The following AKAP13 variants were observed in gnomAD, a reference collection of about 807,000 sequenced individuals.
AKAP13 encodes A-kinase anchor protein 13.
A neutral mutation model predicts 264.5 loss-of-function variants in AKAP13; 80 were observed. The observed-to-expected ratio is 0.30, with a 90% confidence interval of 0.25 to 0.36. The LOEUF (loss-of-function observed/expected upper bound fraction) is 0.36. AKAP13 is among the 10% of genes least tolerant of loss of function. The pLI, the probability that AKAP13 is intolerant of heterozygous loss-of-function variation, is 1.00. For missense variants in AKAP13, 3,712 were observed against 3,435.2 expected (o/e 1.08, Z -2.01); for synonymous variants, 1,380 against 1,250.2 (o/e 1.10, Z -2.19).
intron 2 of AKAP13, among the ~76,000 whole-genome samples, chr15:85,508,994 C>G (rs1197836472): frequency 2.6e-5 from 4 of 152,124 alleles, no homozygotes; most frequent in Non-Finnish European, 5.9e-5. Flanking sequence ...TTTATGCTGT[C>G]TTACTCTTTC....
intron 12 of AKAP13, chr15:85,662,343 C>CT (rs2083393493): frequency 6.2e-7 from 1 of 1,604,232 alleles, no homozygotes; most frequent in Non-Finnish European, 8.5e-7. Context: ...CCTGTTTCCT[C>CT]TTTTCTCCCT....
chr15:85,694,028 G>C (rs1356886157), intron 17 of AKAP13, among the ~76,000 whole-genome samples: 2 of 152,202 alleles, frequency 1.3e-5, no homozygotes, highest in Non-Finnish European at 2.9e-5. Flanking sequence ...TCTGCACTCT[G>C]TTCTATGATC....
chr15:85,490,970 C>G (rs1182311727), intron 2 of AKAP13, among the ~76,000 whole-genome samples: 1 of 152,130 alleles, frequency 6.6e-6, no homozygotes, highest in Non-Finnish European at 1.5e-5. Flanking sequence ...CTGAAGGAGC[C>G]AGCATGTGAA....
intron 6 of AKAP13, 118 bp downstream of exon 6, chr15:85,575,447 C>T (rs2078971934): frequency 9.5e-7 from 1 of 1,047,772 alleles, no homozygotes. Flanking sequence ...AAATGCTTTC[C>T]TGGTGGGAGG....
At chr15:85,489,071 A>G (rs1341472736) in intron 2 of AKAP13, among the ~76,000 whole-genome samples, 3 of 152,340 alleles carry the variant, frequency 2.0e-5, no homozygotes, top group Admixed American at 1.3e-4. Flanking sequence ...ACTTTAGCTA[A>G]TATATGCTTC....
chr15:85,716,312 GTTGTTTTGTTTC>G, intron 20 of AKAP13, among the ~76,000 whole-genome samples: 1 of 152,162 alleles, frequency 6.6e-6, no homozygotes, highest in Non-Finnish European at 1.5e-5. Flanking sequence ...AGTAAACCTG[GTTGTTTTGTTTC>G]TTCTTACCTC....
intron 17 of AKAP13, among the ~76,000 whole-genome samples, chr15:85,700,838 T>C (rs1424143978): frequency 6.6e-6 from 1 of 152,184 alleles, no homozygotes; most frequent in African/African-American, 2.4e-5. Context: ...ACTGCTAATA[T>C]TGGTTATTTA....
intron 8 of AKAP13, among the ~76,000 whole-genome samples, chr15:85,623,686 A>G (rs1463358169): frequency 6.6e-6 from 1 of 152,140 alleles, no homozygotes. Context: ...AACTTTTTCT[A>G]AGTAATAAAA....
chr15:85,595,611 C>T (rs1456691704), intron 8 of AKAP13, among the ~76,000 whole-genome samples: 1 of 152,136 alleles, frequency 6.6e-6, no homozygotes, highest in Non-Finnish European at 1.5e-5. Context: ...AATGGTGTTT[C>T]CTTGGTGAGA....
chr15:85,632,518 C>T (rs568415854), intron 8 of AKAP13, among the ~76,000 whole-genome samples: 1 of 152,276 alleles, frequency 6.6e-6, no homozygotes, highest in East Asian at 1.9e-4. Flanking sequence ...AAAGGACCAT[C>T]AGGGCTTTTG....
chr15:85,630,598 A>G (rs2081730075), intron 8 of AKAP13, among the ~76,000 whole-genome samples: 1 of 152,226 alleles, frequency 6.6e-6, no homozygotes, highest in Admixed American at 6.5e-5. Flanking sequence ...TATATAGAAG[A>G]TACTTAACAC....
chr15:85,414,004 C>T (rs1350156368), intron 1 of AKAP13, among the ~76,000 whole-genome samples: 1 of 151,496 alleles, frequency 6.6e-6, no homozygotes, highest in Non-Finnish European at 1.5e-5. Context: ...CCTTTTTTAC[C>T]ACCTCAGTGG....
At chr15:85,531,965 A>C (rs780545493) in intron 3 of AKAP13, among the ~76,000 whole-genome samples, 71 of 152,330 alleles carry the variant, frequency 4.7e-4, no homozygotes, top group Admixed American at 3.9e-4. Flanking sequence ...TTGCATCCTG[A>C]TATAATAGAC....
chr15:85,461,613 T>TG (rs1555431838), intron 1 of AKAP13, among the ~76,000 whole-genome samples: 7 of 152,122 alleles, frequency 4.6e-5, no homozygotes, highest in South Asian at 4.2e-4. Flanking sequence ...TGTGTTTTTT[T>TG]TTGTTGTTGT....
chr15:85,736,166 T>G (rs1402967228), intron 33 of AKAP13, 32 bp downstream of exon 33: 3 of 1,525,544 alleles, frequency 2.0e-6, no homozygotes, highest in Non-Finnish European at 2.7e-6. Flanking sequence ...TAAGAAAATA[T>G]GTGTTTGTTG....
chr15:85,435,410 G>T (rs1317148236), intron 1 of AKAP13, among the ~76,000 whole-genome samples: 1 of 118,108 alleles, frequency 8.5e-6, no homozygotes, highest in African/African-American at 3.3e-5. Context: ...TTATCCAGGA[G>T]AACTTCCCCA....
intron 8 of AKAP13, among the ~76,000 whole-genome samples, chr15:85,617,251 T>A (rs202214950): frequency 0.24 from 37,137 of 151,980 alleles, 6,159 homozygotes; most frequent in East Asian, 0.57. Context: ...TTGTTTTTGT[T>A]TTTTGTTTTT....
At chr15:85,492,893 C>A (rs1249134057) in intron 2 of AKAP13, among the ~76,000 whole-genome samples, 1 of 152,130 alleles carries the variant, frequency 6.6e-6, no homozygotes, top group African/African-American at 2.4e-5. Context: ...AACTTTGATA[C>A]CTTAGTTAAG....
chr15:85,410,944 T>C (rs544525119), intron 1 of AKAP13, among the ~76,000 whole-genome samples: 1 of 152,232 alleles, frequency 6.6e-6, no homozygotes, highest in South Asian at 2.1e-4. Flanking sequence ...TAATCATGAC[T>C]TGTACTCTAT....
Sources: allele counts gnomAD v4.1 joint callset (sites outside exome capture counted in the v4.1 genomes callset), GRCh38; gene constraint gnomAD v4.1.1; transcripts MANE v1.5; gene names NCBI Gene and HGNC (gene_info 2026-07-23, HGNC 2026-07-21).